The following NCALD variants were observed in gnomAD, a reference collection of about 807,000 sequenced individuals.
The protein encoded by NCALD is neurocalcin delta, also known as neurocalcin-delta.
Under a neutral mutation model 18.6 loss-of-function variants are expected in NCALD, and 10 were observed. The observed-to-expected ratio is 0.54, with a 90% CI of 0.33 to 0.91. NCALD has a LOEUF of 0.91. NCALD is among the 40% of genes least tolerant of loss of function. NCALD has a pLI of 0.03. For missense variants in NCALD, 184 were observed against 247.6 expected (o/e 0.74, Z 1.72); for synonymous variants, 88 against 87.4 (o/e 1.01, Z -0.04).
At chr8:101,697,867 T>C (rs1815075729) in intron 2 of NCALD, among the ~76,000 whole-genome samples, 2 of 152,198 alleles carry the variant, frequency 1.3e-5, no homozygotes, top group African/African-American at 4.8e-5. Flanking sequence ...GGCATTCCCT[T>C]TGAAAACTGG....
intron 4 of NCALD, among the ~76,000 whole-genome samples, chr8:101,828,415 T>C (rs1259528240): frequency 2.6e-5 from 4 of 152,192 alleles, no homozygotes; most frequent in Non-Finnish European, 5.9e-5. Context: ...TTGCACTTAC[T>C]GTTCTCTTGC....
At chr8:102,098,483 T>TGG (rs34402724) in intron 1 of NCALD, among the ~76,000 whole-genome samples, 1 of 151,966 alleles carries the variant, frequency 6.6e-6, no homozygotes, top group Non-Finnish European at 1.5e-5. Context: ...TTGCTGGCCC[T>TGG]GGGGGGCTGC....
intron 4 of NCALD, among the ~76,000 whole-genome samples, chr8:101,803,797 T>C (rs1310135751): frequency 1.3e-5 from 2 of 152,200 alleles, no homozygotes; most frequent in Admixed American, 6.5e-5. Context: ...CTGGTGAAGA[T>C]GCTGTGAATG....
intron 4 of NCALD, among the ~76,000 whole-genome samples, chr8:101,857,731 G>A (rs917854907): frequency 3.9e-5 from 6 of 152,120 alleles, no homozygotes; most frequent in Admixed American, 1.3e-4. Flanking sequence ...GATTAATTCC[G>A]CTTTGGAGAG....
rs528224900 is a variant in NCALD at position 101,799,425 on chromosome 8, G to A, written c.-19-79777C>T. Reference sequence around the variant, plus strand: ...ATCATGCAACTCAGCAATTGCACTTGGACATTCCAGAGAAACGAAGACACG... The same window carrying A: ...ATCATGCAACTCAGCAATTGCACTTAGACATTCCAGAGAAACGAAGACACG... On this transcript the variant is annotated intron_variant, in intron 4 of 6. Coordinates refer to the NCALD transcript ENST00000311028. Among the ~76,000 whole-genome samples, 3 of 152,242 alleles carry A rather than the reference G, an allele frequency of 2.0e-5. No individual in the cohort carries two copies. In the East Asian group the frequency reaches 5.8e-4, roughly 29 times the overall value.
intron 3 of NCALD, among the ~76,000 whole-genome samples, chr8:101,894,794 T>C (rs1279537189): frequency 6.7e-6 from 1 of 149,904 alleles, no homozygotes; most frequent in Non-Finnish European, 1.5e-5. Context: ...ACACATACAC[T>C]CTCCCGAGAC....
At chr8:102,083,534 A>G (rs961355878) in intron 1 of NCALD, among the ~76,000 whole-genome samples, 3 of 152,174 alleles carry the variant, frequency 2.0e-5, no homozygotes, top group African/African-American at 7.2e-5. Context: ...TAACTTTTTA[A>G]AAAATTAGAC....
At chr8:102,038,706 G>A (rs1822953518) in intron 1 of NCALD, among the ~76,000 whole-genome samples, 1 of 152,130 alleles carries the variant, frequency 6.6e-6, no homozygotes, top group African/African-American at 2.4e-5. Context: ...ACCCCCAGGA[G>A]CTTCAAAAAC....
chr8:101,823,010 T>G (rs1813783491), intron 4 of NCALD, among the ~76,000 whole-genome samples: 1 of 152,206 alleles, frequency 6.6e-6, no homozygotes, highest in Admixed American at 6.5e-5. Flanking sequence ...ATGATCAGAA[T>G]CATATTCGAC....
chr8:101,816,622 T>C (rs1277734376), intron 4 of NCALD, among the ~76,000 whole-genome samples: 1 of 152,166 alleles, frequency 6.6e-6, no homozygotes, highest in Non-Finnish European at 1.5e-5. Flanking sequence ...TTGTATGTTT[T>C]TCTCCTGTTG....
At chr8:101,713,576 C>A (rs1815918470) in intron 2 of NCALD, among the ~76,000 whole-genome samples, 1 of 151,894 alleles carries the variant, frequency 6.6e-6, no homozygotes, top group African/African-American at 2.4e-5. Context: ...CTAATTGACA[C>A]AATAAAAAAT....
intron 4 of NCALD, among the ~76,000 whole-genome samples, chr8:101,832,457 G>A (rs2131251859): frequency 1.3e-5 from 2 of 152,206 alleles, no homozygotes; most frequent in East Asian, 3.9e-4. Context: ...TGCTTCCCAG[G>A]CACATAGCAA....
intron 2 of NCALD, among the ~76,000 whole-genome samples, chr8:101,974,684 T>C (rs978000387): frequency 6.6e-6 from 1 of 152,234 alleles, no homozygotes; most frequent in African/African-American, 2.4e-5. Flanking sequence ...TGAAACTTTC[T>C]GCAATTTTTG....
At chr8:101,774,231 C>A (rs1260426873) in intron 1 of NCALD, among the ~76,000 whole-genome samples, 1 of 152,208 alleles carries the variant, frequency 6.6e-6, no homozygotes, top group Non-Finnish European at 1.5e-5. Context: ...AATACAATAT[C>A]TTGAAATTTC....
chr8:101,736,026 T>A (rs1809894500), intron 1 of NCALD, among the ~76,000 whole-genome samples: 4 of 152,222 alleles, frequency 2.6e-5, no homozygotes, highest in African/African-American at 9.6e-5. Context: ...ACATCTGGGC[T>A]AGCTGATAAG....
At chr8:101,996,519 G>T (rs998478248) in intron 2 of NCALD, among the ~76,000 whole-genome samples, 2 of 152,200 alleles carry the variant, frequency 1.3e-5, no homozygotes, top group African/African-American at 4.8e-5. Context: ...ACTGACAGGG[G>T]TTTTACTCTG....
chr8:101,939,606 TA>T (rs143724822), intron 2 of NCALD, among the ~76,000 whole-genome samples: 3 of 151,982 alleles, frequency 2.0e-5, no homozygotes, highest in Non-Finnish European at 2.9e-5. Context: ...TTCTTCTTAG[TA>T]AAAAAAATAA....
At chr8:101,911,764 G>A (rs927552998) in intron 3 of NCALD, among the ~76,000 whole-genome samples, 1 of 152,156 alleles carries the variant, frequency 6.6e-6, no homozygotes, top group Non-Finnish European at 1.5e-5. Flanking sequence ...TCTTCATGGT[G>A]GCTGCATGTC....
chr8:101,886,602 T>C (rs975284420), intron 4 of NCALD, among the ~76,000 whole-genome samples: 3 of 152,190 alleles, frequency 2.0e-5, no homozygotes, highest in Admixed American at 6.5e-5. Context: ...TATCAACAAA[T>C]TAGGAAAGTA....
Sources: gnomAD v4.1 joint callset for allele counts (sites outside exome capture counted in the v4.1 genomes callset) on GRCh38, gnomAD v4.1.1 for gene constraint, MANE v1.5 for transcripts, NCBI Gene and HGNC (gene_info 2026-07-23, HGNC 2026-07-21) for gene names.